Variants in GIMAP6 observed in about 807,000 individuals in gnomAD.
GIMAP6 encodes GTPase, IMAP family member 6.
A neutral mutation model predicts 9.3 loss-of-function variants in GIMAP6; 6 were observed. The ratio of observed to expected loss-of-function variants is 0.65; its 90% CI spans 0.35 to 1.27. The LOEUF (loss-of-function observed/expected upper bound fraction) is 1.27, where lower values mean the gene tolerates loss of function less well. Ranked by LOEUF, GIMAP6 falls within the 50% of genes most tolerant of loss-of-function variation. The pLI is 0.03. For synonymous variants in GIMAP6, 156 were observed against 151.1 expected (o/e 1.03, Z -0.24); for missense variants, 333 against 359.5 (o/e 0.93, Z 0.60).
At chr7:150,628,776 G>A (rs1796345072) in intron 2 of GIMAP6, 3 of 1,423,268 alleles carry the variant, frequency 2.1e-6, no homozygotes, top group Non-Finnish European at 2.8e-6. Context: ...CCAATACCAA[G>A]GTTTTTAGAT....
rs1796311274 is a variant in GIMAP6 at position 150,627,331 on chromosome 7, C to G, written c.*388G>C. The stretch of plus-strand genomic sequence containing the variant: ...CATGGAGTTGCCGCACCAAACGTGA[C>G]TGCATGACTCCAATGCAGTCAAAAG... On this transcript the variant is annotated 3_prime_UTR_variant, in exon 3 of 3. Transcript: ENST00000328902. 3.8e-6 allele frequency: 1 copy of G among 265,844 alleles called. No individual in the cohort carries two copies. The highest frequency in any genetic ancestry group is 2.2e-5 in the African/African-American group (1 of 44,662). The allele number at this position is 265,844 out of a possible 1,614,324, so 16.5% of individuals were successfully genotyped here. A position where few individuals can be genotyped will look rare whatever the true frequency, so the allele number is the denominator to read the frequency against.
At chr7:150,631,342 A>AAG (rs1181189565) in intron 1 of GIMAP6, among the ~76,000 whole-genome samples, 2 of 152,064 alleles carry the variant, frequency 1.3e-5, no homozygotes, top group African/African-American at 4.8e-5. Context: ...TCTAGGAAGA[A>AAG]AGAAGAAGCA....
In GIMAP6 at chr7:150,627,172, CCAA is replaced by C. The variant is rs1177905538; in HGVS notation, c.*544_*546del. ...GCTTGCTCTCCTCCCAGCCCAGTCTCCAACCCTCCCCACCCAGTCTCCAACCCT... is the reference window on the plus strand; with the variant it reads ...GCTTGCTCTCCTCCCAGCCCAGTCTCCCCTCCCCACCCAGTCTCCAACCCT... On this transcript the variant is annotated 3_prime_UTR_variant, in exon 3 of 3. Transcript: ENST00000328902. The C allele has an allele frequency of 6.1e-6, 1 of 162,842 alleles. No homozygotes were observed. The highest frequency in any genetic ancestry group is 2.4e-5 in the African/African-American group (1 of 41,512). The allele number at this position is 162,842 out of a possible 1,614,324, so 10.1% of individuals were successfully genotyped here. A position where few individuals can be genotyped will look rare whatever the true frequency, so the allele number is the denominator to read the frequency against.
At chr7:150,631,581 G>A (rs1011353368) in intron 1 of GIMAP6, among the ~76,000 whole-genome samples, 2 of 152,178 alleles carry the variant, frequency 1.3e-5, no homozygotes, top group Non-Finnish European at 2.9e-5. Context: ...CAGCCGGGTG[G>A]GACTAGGCTG....
At position 150,627,890 on chromosome 7, in the gene GIMAP6, G is replaced by C; in HGVS notation, c.708C>G (p.Tyr236Ter). ...NEGDYYSNKAYQYTQQNFRLK... is the reference protein window; with the variant it reads ...NEGDYYSNKA ...GCCGAAAGTTTTGCTGGGTATATTG[G>C]TAAGCCTTGTTGCTGTAATAATCTC... is the stretch of plus-strand genomic sequence containing the variant. Residue 236 changes from tyrosine (Y) to a stop codon, truncating the protein, a stop_gained, in exon 3 of 3, where the codon TAC (tyrosine) becomes TAG (stop). Coordinates refer to ENST00000328902, the MANE Select transcript of GIMAP6 (RefSeq NM_024711.6). LOFTEE classifies it low-confidence loss of function (END_TRUNC). 1 of 1,614,238 alleles carries C rather than the reference G, an allele frequency of 6.2e-7. No homozygotes were observed. Among genetic ancestry groups the C allele is most frequent in the South Asian group, 1.1e-5 (1 of 91,078 alleles).
rs1315305324 is a variant in GIMAP6, at chr7:150,626,185, G to A, written c.*1534C>T. 1 of 152,298 alleles carries A rather than the reference G, an allele frequency of 6.6e-6. No individual in the cohort carries two copies. The highest frequency in any genetic ancestry group is 1.5e-5 in the Non-Finnish European group (1 of 68,094). The allele number at this position is 152,298 out of a possible 1,614,324, so 9.4% of individuals were successfully genotyped here. On this transcript the variant is annotated 3_prime_UTR_variant, in exon 3 of 3. Transcript: ENST00000328902. ...CTGTGAGCATCTGTGTCTAGCTGTT[G>A]AGCATCTCCAACAGTGGATGAGTGT...
chr7:150,629,362 T>C (rs1444648049), intron 2 of GIMAP6, among the ~76,000 whole-genome samples: 5 of 152,366 alleles, frequency 3.3e-5, no homozygotes, highest in African/African-American at 1.2e-4. Flanking sequence ...ACGTGGCTTT[T>C]TCCAGATGGC....
chr7:150,630,171 A>G (rs201781280), intron 1 of GIMAP6, 29 bp from the exon 2 acceptor site: 17 of 1,378,830 alleles, frequency 1.2e-5, no homozygotes, highest in Middle Eastern at 2.0e-4. Context: ...AAAAAAAATC[A>G]TATGTTCTAC....
intron 1 of GIMAP6, among the ~76,000 whole-genome samples, chr7:150,630,928 C>T (rs1796381285): frequency 6.6e-6 from 1 of 152,192 alleles, no homozygotes; most frequent in African/African-American, 2.4e-5. Context: ...ACTCCTGTCC[C>T]CTTTCCCATG....
chr7:150,628,777 GT>G, intron 2 of GIMAP6: 1 of 1,421,964 alleles, frequency 7.0e-7, no homozygotes, highest in Admixed American at 2.9e-5. Flanking sequence ...CAATACCAAG[GT>G]TTTTAGATAT....
At position 150,627,972 on chromosome 7, in the gene GIMAP6, T is replaced by C. The variant is rs1796323881; in HGVS notation, c.626A>G (p.Glu209Gly). Residue 209 changes from glutamate (E) to glycine (G), a missense_variant, in exon 3 of 3, where the codon GAG becomes GGG. Glu to Gly is a moderately conservative substitution (Grantham distance 98). Transcript: ENST00000328902. ...CTCCATGAGCTCTCGCAGTTGGGCCTCCTGCTCCTCCCCCTGTGCCCTGTT... is the reference window on the plus strand; with the variant it reads ...CTCCATGAGCTCTCGCAGTTGGGCCCCCTGCTCCTCCCCCTGTGCCCTGTT... ...FNNRAQGEEQ[E>G]AQLRELMEKV... 6.2e-7 allele frequency: 1 copy of C among 1,614,140 alleles called. No individual in the cohort carries two copies. The highest frequency in any genetic ancestry group is 8.5e-7 in the Non-Finnish European group (1 of 1,180,050).
chr7:150,627,802 C>A lies in GIMAP6; in HGVS notation c.796G>T (p.Glu266Ter). The A allele has an allele frequency of 6.2e-7, 1 of 1,614,258 alleles. No individual in the cohort carries two copies. The highest frequency in any genetic ancestry group is 8.5e-7 in the Non-Finnish European group (1 of 1,180,050). Residue 266 changes from glutamate to a stop codon, truncating the protein, a stop_gained, in exon 3 of 3, where the codon GAG becomes TAG. Coordinates refer to ENST00000328902, the MANE Select transcript of GIMAP6 (RefSeq NM_024711.6). LOFTEE classifies it high-confidence loss of function. ...GQGSEDVPGE[E>*]SWLEGLSQIQ... ...TGGGACAGTCCTTCCAGCCAAGACT[C>A]CTCACCAGGCACGTCCTCAGAGCCT...
rs889721328 is a variant in GIMAP6 at position 150,626,581 on chromosome 7, G to C, written c.*1138C>G. On this transcript the variant is annotated 3_prime_UTR_variant, in exon 3 of 3. Coordinates refer to ENST00000328902, the MANE Select transcript of GIMAP6 (RefSeq NM_024711.6). ...CCCGTCTGTAGGAACAGCCTTCCAG[G>C]AAAACATCATGGGCTTCAGAGTTCT... 4 of 152,216 alleles carry C rather than the reference G, an allele frequency of 2.6e-5. No individual in the cohort carries two copies. Among genetic ancestry groups the C allele is most frequent in the African/African-American group, 9.7e-5 (4 of 41,438 alleles). 9.4% of individuals were successfully genotyped at this position (152,216 alleles called of 1,614,324 possible). A position where few individuals can be genotyped will look rare whatever the true frequency, so the allele number is the denominator to read the frequency against.
chr7:150,628,080 AG>A lies in GIMAP6; in HGVS notation c.517del (p.Leu173TrpfsTer18). 1 of 1,614,158 alleles carries A rather than the reference AG, an allele frequency of 6.2e-7. No homozygotes were observed. Among genetic ancestry groups the A allele is most frequent in the Non-Finnish European group, 8.5e-7 (1 of 1,180,012 alleles). On this transcript the variant is annotated frameshift_variant, in exon 3 of 3. Transcript: ENST00000328902. LOFTEE classifies it low-confidence loss of function (END_TRUNC). ...TRKEDLAGGS[L>X]EDYVRETNNQ... ...GTTGGTCTCTCGCACATAGTCTTCC[AG>A]GGAGCCGCCAGCCAGGTCTTCCTTC...
At chr7:150,632,025 T>A (rs760483599) in intron 1 of GIMAP6, 144 bp downstream of exon 1, 2 of 151,402 alleles carry the variant, frequency 1.3e-5, no homozygotes, top group African/African-American at 2.4e-5. Flanking sequence ...AACACTCACA[T>A]ACACACACAA....
At position 150,628,123 on chromosome 7, in the gene GIMAP6, T is replaced by C; in HGVS notation, c.475A>G (p.Ile159Val). 6.2e-7 allele frequency: 1 copy of C among 1,614,116 alleles called. No individual in the cohort carries two copies. The highest frequency in any genetic ancestry group is 8.5e-7 in the Non-Finnish European group (1 of 1,180,004). ...TCTTCCTTCCGGGTGAACACCAGGA[T>C]GGTGTGACCCAGAACCCCCACTCCA... ...VFGVGVLGHT[I>V]LVFTRKEDLA... The change falls in exon 3 of 3, where the codon ATC becomes GTC. Residue 159 changes from isoleucine to valine, a missense_variant. Coordinates refer to ENST00000328902, the MANE Select transcript of GIMAP6 (RefSeq NM_024711.6).
rs115461098 is a variant in GIMAP6, at chr7:150,629,288, G to A, written c.85+770C>T. On this transcript the variant is annotated intron_variant, in intron 2 of 2. Coordinates refer to ENST00000328902, the MANE Select transcript of GIMAP6 (RefSeq NM_024711.6). ...CTTAAAAGAATAGCTAACCTTGATT[G>A]CTATAACAAAAGGTCAAACAGGTGT... Among the ~76,000 whole-genome samples the A allele has an allele frequency of 7.2e-3, 1,103 of 152,328 alleles. 12 individuals carry two copies. The highest frequency in any genetic ancestry group is 0.025 in the African/African-American group (1,043 of 41,564).
intron 1 of GIMAP6, among the ~76,000 whole-genome samples, chr7:150,631,769 C>G (rs1201508255): frequency 2.0e-5 from 3 of 152,212 alleles, no homozygotes; most frequent in African/African-American, 7.2e-5. Context: ...TCATATTGCT[C>G]TGGAAGAAAG....
rs1377990885 is a variant in GIMAP6, at chr7:150,627,169, T to TTGGAGACTTG, written c.*549_*550insCAAGTCTCCA. 6.2e-6 allele frequency: 1 copy of TTGGAGACTTG among 160,522 alleles called. No homozygotes were observed. The highest frequency in any genetic ancestry group is 2.4e-5 in the African/African-American group (1 of 41,418). 9.9% of individuals were successfully genotyped at this position (160,522 alleles called of 1,614,324 possible). ...CCTGCTTGCTCTCCTCCCAGCCCAG[T>TTGGAGACTTG]CTCCAACCCTCCCCACCCAGTCTCC... On this transcript the variant is annotated 3_prime_UTR_variant, in exon 3 of 3. Transcript: ENST00000328902.
Sources: gnomAD v4.1 joint callset for allele counts (sites outside exome capture counted in the v4.1 genomes callset) on GRCh38, gnomAD v4.1.1 for gene constraint, MANE v1.5 for transcripts, NCBI Gene and HGNC (gene_info 2026-07-23, HGNC 2026-07-21) for gene names.